ADCY9: variants seen among roughly 807,000 people sequenced by gnomAD.
ADCY9 encodes adenylate cyclase 9.
Under a neutral mutation model 101.5 loss-of-function variants are expected in ADCY9, and 50 were observed. The ratio of observed to expected loss-of-function variants is 0.49; its 90% confidence interval spans 0.39 to 0.62. ADCY9 has a LOEUF of 0.62. ADCY9 is among the 20% of genes least tolerant of loss of function. The pLI is 0.00. For synonymous variants in ADCY9, 905 were observed against 769.3 expected (o/e 1.18, Z -2.92); for missense variants, 1,662 against 1,800.4 (o/e 0.92, Z 1.39).
intron 5 of ADCY9, among the ~76,000 whole-genome samples, chr16:3,956,100 C>T (rs2055904980): frequency 6.6e-6 from 1 of 152,128 alleles, no homozygotes; most frequent in Non-Finnish European, 1.5e-5. Context: ...AACGAGGTCT[C>T]ACTATGTTGC....
At chr16:4,097,450 TTACATATATATATATA>T (rs2057010954) in intron 2 of ADCY9, among the ~76,000 whole-genome samples, 1 of 26,890 alleles carries the variant, frequency 3.7e-5, no homozygotes, top group Non-Finnish European at 7.7e-5. Context: ...ACATGTGGAG[TTACATATATATATATA>T]TATATATATA....
chr16:4,094,742 C>T (rs886115516), intron 2 of ADCY9, among the ~76,000 whole-genome samples: 8 of 152,070 alleles, frequency 5.3e-5, no homozygotes, highest in Admixed American at 4.6e-4. Context: ...ACACCTGGAA[C>T]ACCGCCTCAC....
intron 2 of ADCY9, among the ~76,000 whole-genome samples, chr16:4,055,914 C>T (rs1245717442): frequency 6.6e-6 from 1 of 152,076 alleles, no homozygotes; most frequent in African/African-American, 2.4e-5. Flanking sequence ...AATTCCTTAT[C>T]AAAGATGCCT....
At position 4,039,296 on chromosome 16, in the gene ADCY9, T is replaced by C. The variant is rs553506276; in HGVS notation, c.1694-31738A>G. On this transcript the variant is annotated intron_variant, in intron 2 of 10. Coordinates refer to ENST00000294016, the MANE Select transcript of ADCY9 (RefSeq NM_001116.4). ...CCCCTTTCTGTGTTACACGCCCTCA[T>C]GCCGTTTCCTTGCCATTTTAGGTGT... Among the ~76,000 whole-genome samples the C allele has an allele frequency of 2.2e-4, 34 of 152,310 alleles. 1 individual carries two copies. In the South Asian group the frequency reaches 7.0e-3, roughly 32 times the overall value.
At chr16:4,065,821 G>A (rs1166873384) in intron 2 of ADCY9, among the ~76,000 whole-genome samples, 2 of 152,064 alleles carry the variant, frequency 1.3e-5, no homozygotes, top group South Asian at 2.1e-4. Context: ...TGCCCGCCTC[G>A]GCCTCCCAAA....
intron 2 of ADCY9, among the ~76,000 whole-genome samples, chr16:4,039,214 T>C (rs917599475): frequency 6.6e-6 from 1 of 152,110 alleles, no homozygotes; most frequent in Non-Finnish European, 1.5e-5. Flanking sequence ...CCATCTCCCA[T>C]GTCCTCCATC....
chr16:3,988,601 G>A (rs1390564906), intron 6 of ADCY9, among the ~76,000 whole-genome samples: 3 of 141,486 alleles, frequency 2.1e-5, no homozygotes, highest in African/African-American at 8.0e-5. Context: ...TGGCAGGTGG[G>A]GGGGGTTCCT....
intron 2 of ADCY9, among the ~76,000 whole-genome samples, chr16:4,053,344 C>G (rs973803895): frequency 2.6e-5 from 4 of 152,202 alleles, no homozygotes; most frequent in Non-Finnish European, 5.9e-5. Context: ...ATCCTGGAGA[C>G]AGTTAAGTTA....
chr16:4,079,270 G>C (rs1270739644), intron 2 of ADCY9, among the ~76,000 whole-genome samples: 1 of 152,138 alleles, frequency 6.6e-6, no homozygotes. Context: ...TGATGATACA[G>C]ATGTATGTAC....
Position 4,069,496 on chromosome 16 carries a change from G to T in ADCY9, c.1693+44254C>A, listed in dbSNP as rs571755023. Among the ~76,000 whole-genome samples, 12 of 151,868 alleles carry T rather than the reference G, an allele frequency of 7.9e-5. No homozygotes were observed. The South Asian group carries it at 2.5e-3, about 32-fold the overall frequency. On this transcript the variant is annotated intron_variant, in intron 2 of 10. Transcript: ENST00000294016. The stretch of plus-strand genomic sequence containing the variant: ...CTGACAGAGTGGGGCTTCAACAAAG[G>T]TTGGAAGAACAACGAATAAATAGAA...
downstream of ADCY9, among the ~76,000 whole-genome samples, chr16:3,960,494 C>G (rs1014452791): frequency 3.3e-5 from 5 of 152,148 alleles, no homozygotes. Flanking sequence ...TGCACTCCAG[C>G]CTGGGCGAGA....
At chr16:4,071,865 C>T (rs1483797101) in intron 2 of ADCY9, among the ~76,000 whole-genome samples, 1 of 152,000 alleles carries the variant, frequency 6.6e-6, no homozygotes, top group Non-Finnish European at 1.5e-5. Context: ...GGCGGGAGTG[C>T]GGTGGTGCGG....
intron 2 of ADCY9, among the ~76,000 whole-genome samples, chr16:4,109,583 A>T (rs2057100746): frequency 6.6e-6 from 1 of 152,174 alleles, no homozygotes; most frequent in African/African-American, 2.4e-5. Context: ...ATTGTCGCCA[A>T]GTCACTTCCA....
intron 3 of ADCY9, among the ~76,000 whole-genome samples, chr16:4,001,139 C>T (rs930908323): frequency 2.3e-4 from 35 of 152,154 alleles, no homozygotes; most frequent in Admixed American, 2.2e-3. Context: ...CATGCTGGCG[C>T]GATACCGTTA....
At chr16:4,072,195 G>C (rs2056838857) in intron 2 of ADCY9, among the ~76,000 whole-genome samples, 1 of 152,134 alleles carries the variant, frequency 6.6e-6, no homozygotes, top group African/African-American at 2.4e-5. Flanking sequence ...CTCCTTAAAG[G>C]CTCAGGGACC....
rs57260468 is a variant in ADCY9 at position 3,969,569 on chromosome 16, AATATATATATATATAT to A, written c.2871-2619_2871-2604del. On this transcript the variant is annotated intron_variant, in intron 10 of 10. Coordinates refer to ENST00000294016, the MANE Select transcript of ADCY9 (RefSeq NM_001116.4). ...GCACAATTTCTTAAAGTTTGTTTGA[AATATATATATATATAT>A]ATATATATATATATATATATATATG... Among the ~76,000 whole-genome samples, 99 of 45,240 alleles carry A rather than the reference AATATATATATATATAT, an allele frequency of 2.2e-3. 2 individuals carry two copies. Among genetic ancestry groups the A allele is most frequent in the South Asian group, 5.4e-3 (8 of 1,490 alleles). The allele number at this position is 45,240 out of a possible 152,430, so 29.7% of individuals were successfully genotyped here.
chr16:3,985,200 C>T (rs1191663816), intron 6 of ADCY9, among the ~76,000 whole-genome samples: 17 of 144,094 alleles, frequency 1.2e-4, no homozygotes, highest in African/African-American at 1.6e-4. Flanking sequence ...AGTGCAGTGG[C>T]GCGATCTTGG....
chr16:4,014,535 C>T (rs1210838378), intron 2 of ADCY9, among the ~76,000 whole-genome samples: 1 of 151,480 alleles, frequency 6.6e-6, no homozygotes, highest in African/African-American at 2.4e-5. Context: ...GCAACCTCCG[C>T]CTCCCGGGTT....
chr16:4,023,128 A>G (rs1256611053), intron 2 of ADCY9, among the ~76,000 whole-genome samples: 1 of 152,250 alleles, frequency 6.6e-6, no homozygotes, highest in Non-Finnish European at 1.5e-5. Flanking sequence ...AATTACACAG[A>G]CCAACTTTCT....
Sources: allele counts gnomAD v4.1 joint callset (sites outside exome capture counted in the v4.1 genomes callset), GRCh38; gene constraint gnomAD v4.1.1; transcripts MANE v1.5; gene names NCBI Gene and HGNC (gene_info 2026-07-23, HGNC 2026-07-21).